The following SOX5 variants were observed in gnomAD, a reference collection of about 807,000 sequenced individuals.
SOX5 encodes transcription factor SOX-5.
In SOX5, 9 loss-of-function variants were observed where a neutral mutation model predicts 92.0. The observed-to-expected ratio is 0.10, with a 90% CI of 0.06 to 0.17. The LOEUF (loss-of-function observed/expected upper bound fraction) is 0.17, where lower values mean the gene tolerates loss of function less well. Ranked by LOEUF, SOX5 falls within the 10% of genes least tolerant of loss-of-function variation. The pLI, the probability that SOX5 is intolerant of heterozygous loss-of-function variation, is 1.00. For synonymous variants in SOX5, 344 were observed against 336.3 expected (o/e 1.02, Z -0.25); for missense variants, 642 against 944.5 (o/e 0.68, Z 4.20).
At position 23,575,770 on chromosome 12, in the gene SOX5, T is replaced by C. The variant is rs760735937; in HGVS notation, c.1233A>G (p.Ser411=). The C allele has an allele frequency of 1.2e-6, 2 of 1,611,752 alleles. No homozygotes were observed. The highest frequency in any genetic ancestry group is 1.7e-6 in the Non-Finnish European group (2 of 1,179,050). The part of the protein sequence containing the change: ...PKTSDGKSPT[S]PTSPHMPALR... ...GAGCTGGCATATGGGGAGAGGTGGG[T>C]GATGTGGGTGATTTGCCATCAGAGG... The change falls in exon 10 of 15, where the codon TCA becomes TCG. Residue 411 remains serine, a synonymous_variant. Coordinates refer to ENST00000451604, the MANE Select transcript of SOX5 (RefSeq NM_006940.6).
chr12:24,394,781 G>C (rs531027935), intron 1 of SOX5, among the ~76,000 whole-genome samples: 2 of 152,198 alleles, frequency 1.3e-5, no homozygotes, highest in Non-Finnish European at 2.9e-5. Flanking sequence ...AAGTTAAAAT[G>C]AAGATGAAAA....
chr12:24,323,061 G>A (rs545493475), intron 2 of SOX5, among the ~76,000 whole-genome samples: 3 of 151,976 alleles, frequency 2.0e-5, no homozygotes, highest in East Asian at 1.9e-4. Context: ...TGGTCCAGCA[G>A]CATCAGTATT....
chr12:23,607,634 T>A (rs1408160292), intron 8 of SOX5, among the ~76,000 whole-genome samples: 3 of 145,142 alleles, frequency 2.1e-5, no homozygotes, highest in African/African-American at 7.7e-5. Flanking sequence ...AAATCAAGCC[T>A]AATAACAGGT....
At chr12:24,446,309 A>T (rs1215367052) in intron 1 of SOX5, among the ~76,000 whole-genome samples, 2 of 152,160 alleles carry the variant, frequency 1.3e-5, no homozygotes, top group South Asian at 2.1e-4. Flanking sequence ...GTGGCAAAAA[A>T]ATGCCTCCTG....
intron 1 of SOX5, among the ~76,000 whole-genome samples, chr12:23,909,983 G>T (rs971381393): frequency 2.0e-5 from 3 of 151,718 alleles, no homozygotes; most frequent in East Asian, 1.9e-4. Context: ...GTTTATGGAG[G>T]CATGATCATT....
At chr12:23,927,870 A>C (rs1348830258) in intron 1 of SOX5, among the ~76,000 whole-genome samples, 1 of 152,048 alleles carries the variant, frequency 6.6e-6, no homozygotes, top group Non-Finnish European at 1.5e-5. Context: ...AAACATAGAG[A>C]TCCTCACAAA....
chr12:24,051,024 A>T (rs932805262), intron 4 of SOX5, among the ~76,000 whole-genome samples: 2 of 152,096 alleles, frequency 1.3e-5, no homozygotes, highest in Admixed American at 1.3e-4. Context: ...GGTATTCTCC[A>T]TAGCCAAAAA....
chr12:23,782,764 C>T (rs1010899990), intron 3 of SOX5, among the ~76,000 whole-genome samples: 8 of 152,028 alleles, frequency 5.3e-5, no homozygotes, highest in Non-Finnish European at 8.8e-5. Context: ...TTCAGTATTC[C>T]GAACTTAGGA....
intron 8 of SOX5, among the ~76,000 whole-genome samples, chr12:23,607,078 T>C (rs1367744436): frequency 6.6e-6 from 1 of 152,190 alleles, no homozygotes. Context: ...TTTCTCATAT[T>C]TGGCTTCTGT....
chr12:24,484,726 A>T (rs1234004436), intron 1 of SOX5, among the ~76,000 whole-genome samples: 1 of 152,206 alleles, frequency 6.6e-6, no homozygotes. Flanking sequence ...CGTGTCAAAA[A>T]CATTTCTGAA....
At chr12:24,551,644 A>G (rs1014492575) in intron 1 of SOX5, among the ~76,000 whole-genome samples, 2 of 152,244 alleles carry the variant, frequency 1.3e-5, no homozygotes, top group African/African-American at 4.8e-5. Context: ...CTGTTATCCC[A>G]AGATAATAGA....
chr12:24,135,501 T>C (rs1197007528), intron 4 of SOX5, among the ~76,000 whole-genome samples: 1 of 152,228 alleles, frequency 6.6e-6, no homozygotes, highest in East Asian at 1.9e-4. Flanking sequence ...TTACTGAGTA[T>C]CTGCTTTGTG....
intron 6 of SOX5, among the ~76,000 whole-genome samples, chr12:23,695,160 A>G (rs1034209389): frequency 1.3e-5 from 2 of 151,822 alleles, no homozygotes; most frequent in Admixed American, 1.3e-4. Flanking sequence ...TTGTGTGTGT[A>G]TATTTCTGAA....
chr12:23,955,032 T>C (rs890341755), upstream of SOX5, among the ~76,000 whole-genome samples: 2 of 152,140 alleles, frequency 1.3e-5, no homozygotes, highest in African/African-American at 4.8e-5. Flanking sequence ...CTAAATGCGA[T>C]ATGTAGACTT....
chr12:23,649,226 A>G (rs1041237499), intron 7 of SOX5, among the ~76,000 whole-genome samples: 1 of 152,152 alleles, frequency 6.6e-6, no homozygotes, highest in Non-Finnish European at 1.5e-5. Context: ...AAGCTTCACA[A>G]ACAAGGTCAG....
At chr12:24,058,453 AC>A (rs1939018494) in intron 4 of SOX5, among the ~76,000 whole-genome samples, 1 of 152,168 alleles carries the variant, frequency 6.6e-6, no homozygotes, top group South Asian at 2.1e-4. Flanking sequence ...CTCGTAGGTA[AC>A]CCACTAGAAA....
intron 1 of SOX5, among the ~76,000 whole-genome samples, chr12:24,391,321 T>C (rs557963742): frequency 6.6e-6 from 1 of 152,182 alleles, no homozygotes; most frequent in African/African-American, 2.4e-5. Flanking sequence ...TATCTCATTA[T>C]GTTTTGACCA....
chr12:23,796,232 T>C (rs1295997607), intron 3 of SOX5, among the ~76,000 whole-genome samples: 1 of 152,076 alleles, frequency 6.6e-6, no homozygotes, highest in Non-Finnish European at 1.5e-5. Context: ...TCTTACTTAA[T>C]AGTAAACATT....
At chr12:23,580,769 A>G (rs1431226654) in intron 9 of SOX5, among the ~76,000 whole-genome samples, 2 of 152,170 alleles carry the variant, frequency 1.3e-5, no homozygotes, top group Middle Eastern at 3.4e-3. Flanking sequence ...CTAACATCTC[A>G]ATACCAGTTT....
Sources: allele counts gnomAD v4.1 joint callset (sites outside exome capture counted in the v4.1 genomes callset), GRCh38; gene constraint gnomAD v4.1.1; transcripts MANE v1.5; gene names NCBI Gene and HGNC (gene_info 2026-07-23, HGNC 2026-07-21).